Variants in PRKN observed in about 807,000 individuals in gnomAD.
PRKN encodes E3 ubiquitin-protein ligase parkin.
In PRKN, 56 loss-of-function variants were observed where a neutral mutation model predicts 59.5. That is an observed-to-expected ratio of 0.94 (90% confidence interval 0.76 to 1.18). PRKN has a LOEUF of 1.18. PRKN is among the 50% of genes most tolerant of loss of function. PRKN has a pLI of 0.00. For synonymous variants in PRKN, 250 were observed against 222.1 expected (o/e 1.13, Z -1.12); for missense variants, 657 against 596.4 (o/e 1.10, Z -1.06).
At chr6:162,213,378 C>T (rs960374656) in intron 3 of PRKN, among the ~76,000 whole-genome samples, 4 of 152,040 alleles carry the variant, frequency 2.6e-5, no homozygotes, top group Admixed American at 6.6e-5. Context: ...TCCGAAACAC[C>T]GTGAAGGGTA....
intron 6 of PRKN, among the ~76,000 whole-genome samples, chr6:161,939,992 G>A (rs1294968161): frequency 6.6e-6 from 1 of 151,658 alleles, no homozygotes; most frequent in Non-Finnish European, 1.5e-5. Context: ...TCTGTCTCCC[G>A]GGTTCAAACA....
rs895268064 is a variant in PRKN at position 161,468,494 on chromosome 6, TC to T, written c.1083+80359del. The stretch of plus-strand genomic sequence containing the variant: ...CAGCCTGACTCCATTTTTGCCTCAC[TC>T]CCCATTTATTGACATGTGCTTATTA... On this transcript the variant is annotated intron_variant, in intron 9 of 11. Transcript: ENST00000366898. This position sits in a 1 kb window ranked among gnomAD's most constrained non-coding sequence, Gnocchi z 5.9. Among the ~76,000 whole-genome samples the T allele has an allele frequency of 9.9e-5, 15 of 152,174 alleles. No individual in the cohort carries two copies. The highest frequency in any genetic ancestry group is 3.4e-4 in the African/African-American group (14 of 41,456).
intron 4 of PRKN, among the ~76,000 whole-genome samples, chr6:162,061,241 T>C (rs942738874): frequency 6.6e-6 from 1 of 152,164 alleles, no homozygotes; most frequent in East Asian, 1.9e-4. Flanking sequence ...GAAGATTAAA[T>C]GAAACAACAC....
chr6:161,738,890 T>A (rs1014164911), intron 7 of PRKN, among the ~76,000 whole-genome samples: 4 of 152,190 alleles, frequency 2.6e-5, no homozygotes, highest in African/African-American at 7.2e-5. Context: ...CACTAGAGCA[T>A]CTAATAATTT....
At chr6:162,488,052 T>G (rs1165065711) in intron 1 of PRKN, among the ~76,000 whole-genome samples, 10 of 147,162 alleles carry the variant, frequency 6.8e-5, no homozygotes, top group Non-Finnish European at 1.1e-4. Flanking sequence ...TTTTTTTTTT[T>G]GGCGGAGGGT....
At chr6:162,453,272 CT>C (rs1297997143) in intron 1 of PRKN, among the ~76,000 whole-genome samples, 1 of 152,216 alleles carries the variant, frequency 6.6e-6, no homozygotes, top group Non-Finnish European at 1.5e-5. Flanking sequence ...AAGGAAACAG[CT>C]TTGGTTCTTT....
chr6:162,383,753 G>A (rs1583474924), intron 2 of PRKN, among the ~76,000 whole-genome samples: 2 of 152,286 alleles, frequency 1.3e-5, no homozygotes, highest in East Asian at 3.9e-4. Context: ...TCTTCCAATA[G>A]AAGGCTGTTT....
At chr6:161,412,797 T>C (rs1201042214) in intron 9 of PRKN, among the ~76,000 whole-genome samples, 2 of 149,792 alleles carry the variant, frequency 1.3e-5, no homozygotes, top group Non-Finnish European at 3.0e-5. Context: ...TCCTCACTCA[T>C]TCCTTCACTC....
intron 6 of PRKN, among the ~76,000 whole-genome samples, chr6:161,865,745 G>A (rs1177772227): frequency 6.6e-6 from 1 of 152,210 alleles, no homozygotes; most frequent in African/African-American, 2.4e-5. Flanking sequence ...AGGGAGTGTT[G>A]TGGCTGGTTT....
At chr6:161,772,511 CA>C in intron 7 of PRKN, among the ~76,000 whole-genome samples, 1 of 152,110 alleles carries the variant, frequency 6.6e-6, no homozygotes, top group Non-Finnish European at 1.5e-5. Context: ...CCCAAAACAC[CA>C]AATCTGAAGC....
At chr6:162,154,146 C>T (rs1782396102) in intron 4 of PRKN, among the ~76,000 whole-genome samples, 1 of 152,038 alleles carries the variant, frequency 6.6e-6, no homozygotes, top group African/African-American at 2.4e-5. Flanking sequence ...AGGAACTAGC[C>T]TCTCTCCCAC....
In PRKN at chr6:161,413,724, A is replaced by G. The variant is rs1787700184; in HGVS notation, c.1084-26847T>C. Among the ~76,000 whole-genome samples, 1 of 152,200 alleles carries G rather than the reference A, an allele frequency of 6.6e-6. No homozygotes were observed. Among genetic ancestry groups the G allele is most frequent in the Admixed American group, 6.5e-5 (1 of 15,278 alleles). On this transcript the variant is annotated intron_variant, in intron 9 of 11. Transcript: ENST00000366898. This position sits in a 1 kb window ranked among gnomAD's most constrained non-coding sequence, Gnocchi z 4.4. The stretch of plus-strand genomic sequence containing the variant: ...GGAGTCCAGCTGAGAAGGAAGCCAC[A>G]TGGCCATTCCTGAGAACAAGGATAA...
At chr6:162,169,605 G>A (rs1222690499) in intron 4 of PRKN, among the ~76,000 whole-genome samples, 4 of 152,126 alleles carry the variant, frequency 2.6e-5, no homozygotes, top group African/African-American at 4.8e-5. Flanking sequence ...AAATACACAC[G>A]ATATGCAGGT....
intron 9 of PRKN, among the ~76,000 whole-genome samples, chr6:161,418,030 G>A (rs538400366): frequency 3.9e-5 from 6 of 152,210 alleles, no homozygotes; most frequent in Admixed American, 2.6e-4. Flanking sequence ...GTATCACAGC[G>A]CAGGGCTCTC....
At chr6:161,366,141 T>C (rs776220612) in intron 10 of PRKN, among the ~76,000 whole-genome samples, 1 of 152,152 alleles carries the variant, frequency 6.6e-6, no homozygotes, top group Non-Finnish European at 1.5e-5. Context: ...TTCGTGCCCT[T>C]ATTAAAGCAA....
At chr6:162,698,061 C>T (rs1304032735) in intron 1 of PRKN, among the ~76,000 whole-genome samples, 2 of 152,160 alleles carry the variant, frequency 1.3e-5, no homozygotes, top group South Asian at 2.1e-4. Flanking sequence ...TTTACTCCTA[C>T]ATATGTTAAC....
chr6:161,925,843 T>TGA (rs1247395869), intron 6 of PRKN, among the ~76,000 whole-genome samples: 1 of 152,168 alleles, frequency 6.6e-6, no homozygotes, highest in East Asian at 1.9e-4. Context: ...TAGTTGATGA[T>TGA]GAAGAAAATA....
At chr6:162,427,490 C>G (rs1789292214) in intron 2 of PRKN, among the ~76,000 whole-genome samples, 1 of 152,140 alleles carries the variant, frequency 6.6e-6, no homozygotes, top group Non-Finnish European at 1.5e-5. Context: ...CACAGGTGAC[C>G]TACTGCTATA....
chr6:161,869,934 G>C (rs1583274029), intron 6 of PRKN, among the ~76,000 whole-genome samples: 1 of 152,174 alleles, frequency 6.6e-6, no homozygotes, highest in Non-Finnish European at 1.5e-5. Flanking sequence ...CTGATGGGTT[G>C]ATTTCAGAAG....
Sources: gnomAD v4.1 joint callset for allele counts (sites outside exome capture counted in the v4.1 genomes callset) on GRCh38, gnomAD v4.1.1 for gene constraint, Gnocchi (gnomAD v3.1) non-coding constraint, MANE v1.5 for transcripts, NCBI Gene and HGNC (gene_info 2026-07-23, HGNC 2026-07-21) for gene names.